Variants in NBAS observed in about 807,000 individuals in gnomAD.
The protein encoded by NBAS is NAG/BC035112 fusion.
In NBAS, 219 loss-of-function variants were observed where a neutral mutation model predicts 302.5. That is an observed-to-expected ratio of 0.72 (90% confidence interval 0.65 to 0.81). The LOEUF (loss-of-function observed/expected upper bound fraction) is 0.81. Ranked by LOEUF, NBAS falls within the 30% of genes least tolerant of loss-of-function variation. NBAS has a pLI of 0.00. For synonymous variants in NBAS, 1,118 were observed against 1,021.6 expected (o/e 1.09, Z -1.80); for missense variants, 2,932 against 2,841.6 (o/e 1.03, Z -0.72).
At chr2:14,911,519 G>T in the NBAS span, among the ~76,000 whole-genome samples, 5 of 152,116 alleles carry the variant, frequency 3.3e-5, no homozygotes, top group South Asian at 8.3e-4. Flanking sequence ...ATAATGTATC[G>T]GTTTTAGAGT....
At chr2:14,981,041 T>C in the NBAS span, among the ~76,000 whole-genome samples, 33 of 150,560 alleles carry the variant, frequency 2.2e-4, no homozygotes, top group East Asian at 6.0e-3. Flanking sequence ...TAATAACTCC[T>C]GTAAAAAAGA....
At chr2:15,185,897 CAAGTTT>C (rs1405590560) in intron 50 of NBAS, among the ~76,000 whole-genome samples, 1 of 152,020 alleles carries the variant, frequency 6.6e-6, no homozygotes. Context: ...AATTTATTTT[CAAGTTT>C]ATCTCCTACA....
chr2:14,872,981 G>A, the NBAS span, among the ~76,000 whole-genome samples: 2 of 152,232 alleles, frequency 1.3e-5, no homozygotes, highest in African/African-American at 4.8e-5. Context: ...GACCCAGTGA[G>A]CAGCAGTAAG....
the NBAS span, among the ~76,000 whole-genome samples, chr2:15,145,633 G>T: frequency 6.6e-6 from 1 of 152,012 alleles, no homozygotes; most frequent in Non-Finnish European, 1.5e-5. Context: ...CAGACCACTG[G>T]GCACTGAGTC....
chr2:14,902,063 T>G, the NBAS span, among the ~76,000 whole-genome samples: 19 of 152,368 alleles, frequency 1.2e-4, no homozygotes, highest in South Asian at 2.1e-4. Context: ...AATTTTCTTC[T>G]TTCTTCTGTA....
intron 13 of NBAS, among the ~76,000 whole-genome samples, chr2:15,477,266 G>A (rs1986279): frequency 0.61 from 92,194 of 151,734 alleles, 28,926 homozygotes; most frequent in Non-Finnish European, 0.68. Context: ...TGAACTAAAA[G>A]CATTTTTTTT....
At chr2:15,437,199 T>TGCTC (rs1678067248) in intron 21 of NBAS, among the ~76,000 whole-genome samples, 1 of 152,076 alleles carries the variant, frequency 6.6e-6, no homozygotes, top group Non-Finnish European at 1.5e-5. Context: ...AGATGTGGAA[T>TGCTC]TTAGCTGGGC....
chr2:14,823,760 T>C, the NBAS span, among the ~76,000 whole-genome samples: 1 of 152,242 alleles, frequency 6.6e-6, no homozygotes, highest in South Asian at 2.1e-4. Context: ...GCATGTTTCT[T>C]CTTAAAGCTT....
At chr2:14,959,234 G>C in the NBAS span, among the ~76,000 whole-genome samples, 2 of 152,122 alleles carry the variant, frequency 1.3e-5, no homozygotes, top group African/African-American at 2.4e-5. Flanking sequence ...AGCTTTACCA[G>C]GTGCAGGTAA....
Position 15,394,360 on chromosome 2 carries a change from A to C in NBAS, c.3135-11T>G. On this transcript the variant is annotated splice_polypyrimidine_tract_variant and intron_variant, in intron 27 of 51. Transcript: ENST00000281513. ...AAAAGCTCTGACACACTATAAGTGA[A>C]AAAAGAATTATTTAATGTCTTGCTA... 1 of 1,612,334 alleles carries C rather than the reference A, an allele frequency of 6.2e-7. No individual in the cohort carries two copies. The highest frequency in any genetic ancestry group is 8.5e-7 in the Non-Finnish European group (1 of 1,178,826).
At chr2:14,878,108 A>G in the NBAS span, among the ~76,000 whole-genome samples, 23,076 of 152,176 alleles carry the variant, frequency 0.15, 2,513 homozygotes, top group African/African-American at 0.3. Context: ...TAGTGCTCCC[A>G]TTTAGTGCTA....
chr2:15,497,240 G>A (rs2148625019), intron 11 of NBAS, among the ~76,000 whole-genome samples: 1 of 152,286 alleles, frequency 6.6e-6, no homozygotes, highest in African/African-American at 2.4e-5. Flanking sequence ...GAAAGCCACT[G>A]ACGGCTTTCT....
chr2:15,459,526 G>A (rs1377517065), intron 21 of NBAS, among the ~76,000 whole-genome samples: 3 of 98,684 alleles, frequency 3.0e-5, no homozygotes, highest in Non-Finnish European at 4.2e-5. Context: ...ATGGAGTCTC[G>A]TTCTGTCACC....
chr2:14,918,230 G>T, the NBAS span, among the ~76,000 whole-genome samples: 1 of 151,140 alleles, frequency 6.6e-6, no homozygotes, highest in East Asian at 2.0e-4. Context: ...TATCAAGTAC[G>T]TACTCTGTGC....
In NBAS at chr2:15,306,330, G is replaced by T. The variant is rs539261658; in HGVS notation, c.4797+1886C>A. Among the ~76,000 whole-genome samples the T allele has an allele frequency of 3.9e-5, 6 of 152,242 alleles. No individual in the cohort carries two copies. The East Asian group carries it at 9.6e-4, about 24-fold the overall frequency. On this transcript the variant is annotated intron_variant, in intron 40 of 51. Coordinates refer to ENST00000281513, the MANE Select transcript of NBAS (RefSeq NM_015909.4). ...TTCCCAAAACAAAGTAACACCTTAG[G>T]CAAACTGGTTAAAAGAATAAAGCAT...
chr2:14,989,669 G>C, the NBAS span, among the ~76,000 whole-genome samples: 2 of 152,168 alleles, frequency 1.3e-5, no homozygotes, highest in Admixed American at 1.3e-4. Flanking sequence ...AGAAGATATT[G>C]ACATTGACCC....
the NBAS span, among the ~76,000 whole-genome samples, chr2:15,101,305 T>G: frequency 6.6e-6 from 1 of 152,116 alleles, no homozygotes; most frequent in African/African-American, 2.4e-5. Context: ...TAAAAAAAAG[T>G]GAGAGCAAAG....
At chr2:15,395,462 C>T (rs956268704) in intron 27 of NBAS, among the ~76,000 whole-genome samples, 11 of 152,056 alleles carry the variant, frequency 7.2e-5, no homozygotes, top group African/African-American at 2.7e-4. Flanking sequence ...AGAAATACAA[C>T]TGTATAACTT....
the NBAS span, among the ~76,000 whole-genome samples, chr2:14,895,935 C>T: frequency 6.6e-6 from 1 of 150,756 alleles, no homozygotes; most frequent in African/African-American, 2.4e-5. Flanking sequence ...ACTAGAAGCC[C>T]AAACCTCACC....
Sources: gnomAD v4.1 joint callset for allele counts (sites outside exome capture counted in the v4.1 genomes callset) on GRCh38, gnomAD v4.1.1 for gene constraint, MANE v1.5 for transcripts, NCBI Gene and HGNC (gene_info 2026-07-23, HGNC 2026-07-21) for gene names.